NLGN1: variants seen among roughly 807,000 people sequenced by gnomAD.
NLGN1 encodes the protein neuroligin 1.
Under a neutral mutation model 65.5 loss-of-function variants are expected in NLGN1, and 12 were observed. The ratio of observed to expected loss-of-function variants is 0.18; its 90% CI spans 0.12 to 0.30. NLGN1 has a LOEUF of 0.30. Among genes scored for constraint, NLGN1 ranks in the 10% least tolerant of loss-of-function variants. NLGN1 has a pLI of 1.00. For synonymous variants in NLGN1, 350 were observed against 359.5 expected (o/e 0.97, Z 0.30); for missense variants, 750 against 1,007.1 (o/e 0.74, Z 3.46).
intron 3 of NLGN1, among the ~76,000 whole-genome samples, chr3:173,693,657 A>G (rs1765784224): frequency 6.6e-6 from 1 of 152,106 alleles, no homozygotes; most frequent in African/African-American, 2.4e-5. Flanking sequence ...AATATTGGCT[A>G]TACAGCAGAC....
At chr3:173,817,966 A>C (rs532490148) in intron 4 of NLGN1, among the ~76,000 whole-genome samples, 69 of 152,340 alleles carry the variant, frequency 4.5e-4, no homozygotes, top group African/African-American at 1.6e-3. Context: ...ATTGCTAGTT[A>C]AAGCATTCTT....
At chr3:173,561,589 G>A (rs1441894760) in intron 2 of NLGN1, among the ~76,000 whole-genome samples, 1 of 151,682 alleles carries the variant, frequency 6.6e-6, no homozygotes, top group Non-Finnish European at 1.5e-5. Context: ...AAATATATGT[G>A]GTAATAATAT....
intron 4 of NLGN1, among the ~76,000 whole-genome samples, chr3:174,268,205 A>G (rs1320332607): frequency 2.6e-5 from 4 of 152,136 alleles, no homozygotes; most frequent in Non-Finnish European, 1.5e-5. Flanking sequence ...CTTTGATTCA[A>G]AAGGCCTTTT....
At chr3:173,632,852 T>TTTTTTTTG (rs1755934319) in intron 3 of NLGN1, among the ~76,000 whole-genome samples, 2 of 91,024 alleles carry the variant, frequency 2.2e-5, no homozygotes, top group Non-Finnish European at 4.4e-5. Context: ...TTTTTTTGTT[T>TTTTTTTTG]TTTTTTTTTT....
intron 4 of NLGN1, among the ~76,000 whole-genome samples, chr3:173,927,683 A>G (rs1426180621): frequency 6.6e-6 from 1 of 152,108 alleles, no homozygotes; most frequent in Admixed American, 6.6e-5. Flanking sequence ...GGAGGAGACA[A>G]GGGGGACATT....
chr3:173,820,822 C>A (rs1720145877), intron 4 of NLGN1, among the ~76,000 whole-genome samples: 1 of 152,122 alleles, frequency 6.6e-6, no homozygotes, highest in Admixed American at 6.5e-5. Flanking sequence ...GATAACTATT[C>A]ACTTTATATA....
intron 4 of NLGN1, among the ~76,000 whole-genome samples, chr3:174,026,129 AT>A (rs1421217362): frequency 1.3e-5 from 2 of 152,032 alleles, no homozygotes; most frequent in East Asian, 1.9e-4. Context: ...TTTATTTTTT[AT>A]TTTTATTTAT....
intron 3 of NLGN1, among the ~76,000 whole-genome samples, chr3:173,735,825 A>T (rs1200388006): frequency 6.6e-6 from 1 of 152,122 alleles, no homozygotes; most frequent in African/African-American, 2.4e-5. Flanking sequence ...GGTGACATTC[A>T]CATAATTTTT....
At chr3:173,869,639 C>T (rs928586084) in intron 4 of NLGN1, among the ~76,000 whole-genome samples, 4 of 152,012 alleles carry the variant, frequency 2.6e-5, no homozygotes, top group Admixed American at 2.6e-4. Context: ...AAGCTAACCT[C>T]AGCACATCAA....
intron 4 of NLGN1, among the ~76,000 whole-genome samples, chr3:174,261,194 T>G (rs1435160408): frequency 6.6e-6 from 1 of 151,888 alleles, no homozygotes; most frequent in Non-Finnish European, 1.5e-5. Context: ...ATATGAACTT[T>G]AAAGTAGTTT....
chr3:174,129,428 A>G (rs2152667620), intron 4 of NLGN1, among the ~76,000 whole-genome samples: 1 of 148,788 alleles, frequency 6.7e-6, no homozygotes, highest in East Asian at 2.0e-4. Flanking sequence ...AGTATCTAGG[A>G]AAAACATATG....
At chr3:173,640,548 A>G (rs1757248943) in intron 3 of NLGN1, among the ~76,000 whole-genome samples, 2 of 151,564 alleles carry the variant, frequency 1.3e-5, no homozygotes, top group African/African-American at 4.8e-5. Flanking sequence ...GGCTATTATC[A>G]TATCTAAGAA....
At chr3:173,656,485 G>A (rs1443091770) in intron 3 of NLGN1, among the ~76,000 whole-genome samples, 1 of 152,014 alleles carries the variant, frequency 6.6e-6, no homozygotes, top group Admixed American at 6.6e-5. Context: ...GGTGTACTAC[G>A]CAAATGTCAC....
intron 4 of NLGN1, among the ~76,000 whole-genome samples, chr3:173,815,024 T>C (rs1718734382): frequency 6.6e-6 from 1 of 151,814 alleles, no homozygotes; most frequent in Admixed American, 6.6e-5. Context: ...TTCTTTCCTT[T>C]CCCTTTCTTT....
chr3:174,118,729 G>C (rs1717110340), intron 4 of NLGN1, among the ~76,000 whole-genome samples: 1 of 152,080 alleles, frequency 6.6e-6, no homozygotes, highest in South Asian at 2.1e-4. Flanking sequence ...ATCTAAAAGA[G>C]ATATAAGAAA....
intron 3 of NLGN1, among the ~76,000 whole-genome samples, chr3:173,657,860 T>G (rs1174351797): frequency 6.6e-6 from 1 of 151,900 alleles, no homozygotes; most frequent in Non-Finnish European, 1.5e-5. Context: ...TATTAATACT[T>G]CCTAGATTTT....
At chr3:173,798,675 G>T (rs1484141557) in intron 3 of NLGN1, among the ~76,000 whole-genome samples, 1 of 152,044 alleles carries the variant, frequency 6.6e-6, no homozygotes, top group Non-Finnish European at 1.5e-5. Context: ...GCTTGCAGGT[G>T]TGATTATAAA....
At chr3:173,497,430 A>C (rs1256749639) in intron 2 of NLGN1, among the ~76,000 whole-genome samples, 1 of 151,514 alleles carries the variant, frequency 6.6e-6, no homozygotes, top group Non-Finnish European at 1.5e-5. Context: ...ATTCTTATTT[A>C]TATCTTCTCT....
chr3:173,946,799 G>T (rs1455408854), intron 4 of NLGN1, among the ~76,000 whole-genome samples: 1 of 152,226 alleles, frequency 6.6e-6, no homozygotes, highest in South Asian at 2.1e-4. Context: ...ATGGAATCTT[G>T]TTTCTTTAAT....
Sources: allele counts gnomAD v4.1 joint callset (sites outside exome capture counted in the v4.1 genomes callset), GRCh38; gene constraint gnomAD v4.1.1; transcripts MANE v1.5; gene names NCBI Gene and HGNC (gene_info 2026-07-23, HGNC 2026-07-21).